The following ARHGAP6 variants were observed in gnomAD, a reference collection of about 807,000 sequenced individuals.
ARHGAP6 encodes Rho GTPase activating protein 6.
Under a neutral mutation model 55.7 loss-of-function variants are expected in ARHGAP6, and 16 were observed. The ratio of observed to expected loss-of-function variants is 0.29; its 90% CI spans 0.19 to 0.44. The LOEUF (loss-of-function observed/expected upper bound fraction) is 0.44, where lower values mean the gene tolerates loss of function less well. ARHGAP6 is among the 20% of genes least tolerant of loss of function. The pLI, the probability that ARHGAP6 is intolerant of heterozygous loss-of-function variation, is 1.00. For missense variants in ARHGAP6, 698 were observed against 808.9 expected (o/e 0.86, Z 1.66); for synonymous variants, 382 against 360.9 (o/e 1.06, Z -0.66).
At chrX:11,256,589 G>A (rs918782446) in intron 1 of ARHGAP6, among the ~76,000 whole-genome samples, 2 of 111,182 alleles carry the variant, frequency 1.8e-5, no homozygotes, top group Admixed American at 9.5e-5. Flanking sequence ...TTTAATACAT[G>A]AATATATTAT....
At chrX:11,313,102 T>C (rs957877742) in intron 1 of ARHGAP6, among the ~76,000 whole-genome samples, 9 of 112,612 alleles carry the variant, frequency 8.0e-5, no homozygotes, top group Admixed American at 1.9e-4. Flanking sequence ...ACTTCCATTT[T>C]ACAATGAGGA....
chrX:11,477,801 T>G (rs748854837), intron 1 of ARHGAP6, among the ~76,000 whole-genome samples: 1 of 111,661 alleles, frequency 9.0e-6, no homozygotes, highest in African/African-American at 3.3e-5. Context: ...CAAACAAAAC[T>G]AATCTGTAGG....
intron 12 of ARHGAP6, 72 bp from the exon 13 acceptor site, chrX:11,139,602 T>G: frequency 9.6e-7 from 1 of 1,041,831 alleles, no homozygotes; most frequent in East Asian, 3.4e-5. Context: ...CAAATCCTGT[T>G]ATTTCCTTCC....
chrX:11,566,714 G>A (rs138364444), intron 1 of ARHGAP6, among the ~76,000 whole-genome samples: 1,753 of 111,904 alleles, frequency 0.016, 31 homozygotes, highest in African/African-American at 0.055. Context: ...ACACAAAAAT[G>A]TATATGAAAT....
At chrX:11,407,896 C>T (rs909144682) in intron 1 of ARHGAP6, among the ~76,000 whole-genome samples, 1 of 110,880 alleles carries the variant, frequency 9.0e-6, no homozygotes, top group African/African-American at 3.3e-5. Flanking sequence ...TCCTATAGTC[C>T]AGTATTTTTT....
rs191806802 is a variant in ARHGAP6 at position 11,177,475 on chromosome X, G to A, written c.1629+625C>T. ...ACCTGCTTTGAGCAGTTGATACCAT[G>A]TGACATCAAGACACAATGGCAATGG... is the stretch of plus-strand genomic sequence containing the variant. On this transcript the variant is annotated intron_variant, in intron 8 of 12. Coordinates refer to ENST00000337414, the MANE Select transcript of ARHGAP6 (RefSeq NM_013427.3). Among the ~76,000 whole-genome samples the A allele has an allele frequency of 3.7e-3, 413 of 110,991 alleles. 1 individual carries two copies. Among genetic ancestry groups the A allele is most frequent in the Non-Finnish European group, 6.0e-3 (317 of 52,976 alleles).
At chrX:11,504,700 G>C (rs1478322052) in intron 1 of ARHGAP6, among the ~76,000 whole-genome samples, 2 of 112,161 alleles carry the variant, frequency 1.8e-5, no homozygotes, top group Non-Finnish European at 3.8e-5. Flanking sequence ...CTGGCTTACT[G>C]AGCCAGAAGA....
chrX:11,431,974 G>C (rs1430036932), intron 1 of ARHGAP6, among the ~76,000 whole-genome samples: 1 of 111,629 alleles, frequency 9.0e-6, no homozygotes, highest in Non-Finnish European at 1.9e-5. Flanking sequence ...GGACATTGCA[G>C]AATGTTTTGC....
chrX:11,227,506 T>C (rs752123526), intron 2 of ARHGAP6, among the ~76,000 whole-genome samples: 3 of 111,983 alleles, frequency 2.7e-5, no homozygotes, highest in Non-Finnish European at 5.6e-5. Context: ...TCTCTTCTCT[T>C]CTGAGCCATC....
chrX:11,526,372 G>T (rs972281946), intron 1 of ARHGAP6, among the ~76,000 whole-genome samples: 1 of 111,792 alleles, frequency 8.9e-6, no homozygotes, highest in African/African-American at 3.3e-5. Flanking sequence ...GTAGGGAGAG[G>T]TGGCAGAGAA....
At chrX:11,479,512 AG>A (rs1156648255) in intron 1 of ARHGAP6, among the ~76,000 whole-genome samples, 3 of 111,977 alleles carry the variant, frequency 2.7e-5, no homozygotes, top group Non-Finnish European at 5.6e-5. Context: ...GATGGAATCT[AG>A]ATATTTTCAA....
At chrX:11,583,329 T>C (rs1050519270) in intron 1 of ARHGAP6, among the ~76,000 whole-genome samples, 1 of 112,093 alleles carries the variant, frequency 8.9e-6, no homozygotes, top group Non-Finnish European at 1.9e-5. Flanking sequence ...TGACAGTAGG[T>C]GATGCTTGTT....
At chrX:11,581,859 A>G (rs139890493) in intron 1 of ARHGAP6, among the ~76,000 whole-genome samples, 9,842 of 110,541 alleles carry the variant, frequency 0.089, 488 homozygotes, top group East Asian at 0.19. Flanking sequence ...TGATGGGTGC[A>G]CATATCTGTG....
At chrX:11,197,145 T>C (rs1457453160) in intron 2 of ARHGAP6, 149 bp from the exon 3 acceptor site, 2 of 412,418 alleles carry the variant, frequency 4.8e-6, no homozygotes, top group East Asian at 4.0e-5. Context: ...TGAGAATACA[T>C]GAAAATCCTG....
intron 9 of ARHGAP6, among the ~76,000 whole-genome samples, chrX:11,157,159 C>T (rs932372897): frequency 1.8e-5 from 2 of 111,830 alleles, no homozygotes; most frequent in African/African-American, 6.5e-5. Flanking sequence ...CAACGTACAT[C>T]GACAAGGATC....
intron 6 of ARHGAP6, among the ~76,000 whole-genome samples, chrX:11,180,354 A>G (rs113941380): frequency 0.025 from 2,771 of 111,006 alleles, 29 homozygotes; most frequent in Middle Eastern, 0.06. Flanking sequence ...TTTGTTTTCA[A>G]TCTTTCATCC....
At chrX:11,655,593 T>A (rs1272319625) in intron 1 of ARHGAP6, among the ~76,000 whole-genome samples, 1 of 112,398 alleles carries the variant, frequency 8.9e-6, no homozygotes, top group East Asian at 2.8e-4. Context: ...ATAAATGATA[T>A]CTCATTGTAG....
intron 1 of ARHGAP6, among the ~76,000 whole-genome samples, chrX:11,652,478 C>T (rs2052594774): frequency 8.9e-6 from 1 of 111,764 alleles, no homozygotes; most frequent in Non-Finnish European, 1.9e-5. Flanking sequence ...CCTTTGGGGG[C>T]AAGAGTTTAA....
intron 1 of ARHGAP6, among the ~76,000 whole-genome samples, chrX:11,386,199 A>G (rs1196713550): frequency 8.8e-6 from 1 of 113,129 alleles, no homozygotes; most frequent in Non-Finnish European, 1.9e-5. Context: ...CGAACCTGAG[A>G]TGCCTTTTTG....
Sources: gnomAD v4.1 joint callset for allele counts (sites outside exome capture counted in the v4.1 genomes callset) on GRCh38, gnomAD v4.1.1 for gene constraint, MANE v1.5 for transcripts, NCBI Gene and HGNC (gene_info 2026-07-23, HGNC 2026-07-21) for gene names.